Variants in KANK4 observed in about 807,000 individuals in gnomAD.
KANK4 encodes the protein KN motif and ankyrin repeat domains 4, also known as KN motif and ankyrin repeat domain-containing protein 4.
In KANK4, 50 loss-of-function variants were observed where a neutral mutation model predicts 80.8. The ratio of observed to expected loss-of-function variants is 0.62; its 90% CI spans 0.49 to 0.78. The LOEUF is 0.78. Ranked by LOEUF, KANK4 falls within the 30% of genes least tolerant of loss-of-function variation. The pLI is 0.00. For missense variants in KANK4, 1,196 were observed against 1,240.1 expected (o/e 0.96, Z 0.53); for synonymous variants, 465 against 506.9 (o/e 0.92, Z 1.11).
chr1:62,254,599 G>A (rs1411187979), intron 7 of KANK4, among the ~76,000 whole-genome samples: 2 of 151,624 alleles, frequency 1.3e-5, no homozygotes, highest in Admixed American at 6.6e-5. Flanking sequence ...TGTCGCCCAG[G>A]CTGGAGTACA....
chr1:62,253,713 G>T (rs1216827439), intron 7 of KANK4, among the ~76,000 whole-genome samples: 1 of 152,120 alleles, frequency 6.6e-6, no homozygotes, highest in African/African-American at 2.4e-5. Context: ...CGCCCAGCCA[G>T]CTGGTTACTT....
intron 7 of KANK4, among the ~76,000 whole-genome samples, chr1:62,259,979 T>A (rs935820232): frequency 3.9e-5 from 6 of 152,246 alleles, no homozygotes; most frequent in African/African-American, 1.4e-4. Flanking sequence ...AGCCTCATCA[T>A]GCACCTGTCT....
At chr1:62,254,843 T>C (rs1671712558) in intron 7 of KANK4, among the ~76,000 whole-genome samples, 1 of 150,890 alleles carries the variant, frequency 6.6e-6, no homozygotes, top group African/African-American at 2.4e-5. Flanking sequence ...GTTGGGATTA[T>C]TACAGGCATG....
chr1:62,272,368 G>A (rs1672184020), intron 3 of KANK4: 1 of 152,238 alleles, frequency 6.6e-6, no homozygotes, highest in Non-Finnish European at 1.5e-5. Context: ...AATATTCAGT[G>A]AACTATACCA....
At position 62,236,335 on chromosome 1, in the gene KANK4, T is replaced by A. The variant is rs958403995; in HGVS notation, c.*1942A>T. 4.6e-5 allele frequency among the ~76,000 whole-genome samples: 7 copies of A among 152,228 alleles called. No homozygotes were observed. The highest frequency in any genetic ancestry group is 1.7e-4 in the African/African-American group (7 of 41,454). ...TTCTAACAAGATCCCAGGTGATTTG[T>A]ATGCACATAAATGTTCGCGAAGCAC... On this transcript the variant is annotated 3_prime_UTR_variant, in exon 10 of 10. Coordinates refer to ENST00000371153, the MANE Select transcript of KANK4 (RefSeq NM_181712.5).
At chr1:62,281,406 A>G in intron 2 of KANK4, 143 bp downstream of exon 2, 1 of 986,468 alleles carries the variant, frequency 1.0e-6, no homozygotes, top group Non-Finnish European at 1.6e-6. Context: ...AATCTGAAAT[A>G]CATGCTTGAG....
chr1:62,249,364 GTA>G (rs34305773), intron 8 of KANK4, among the ~76,000 whole-genome samples: 89,925 of 148,494 alleles, frequency 0.61, 27,359 homozygotes, highest in East Asian at 0.83. Context: ...GTGCGTGTGT[GTA>G]TATATATATA....
chr1:62,260,009 C>T (rs1671841708), intron 7 of KANK4, among the ~76,000 whole-genome samples: 1 of 152,074 alleles, frequency 6.6e-6, no homozygotes, highest in East Asian at 1.9e-4. Context: ...TGTTAACTAC[C>T]CCTTTCCAGT....
chr1:62,246,082 G>A (rs1050712525), intron 9 of KANK4, among the ~76,000 whole-genome samples: 4 of 152,058 alleles, frequency 2.6e-5, no homozygotes, highest in Non-Finnish European at 5.9e-5. Flanking sequence ...GCAGGAAGAC[G>A]GTCAATCTCA....
intron 1 of KANK4, among the ~76,000 whole-genome samples, chr1:62,289,725 A>T (rs1672642218): frequency 1.3e-5 from 2 of 152,226 alleles, no homozygotes; most frequent in African/African-American, 4.8e-5. Flanking sequence ...GGAAAATAAA[A>T]AATAAATTAT....
intron 1 of KANK4, among the ~76,000 whole-genome samples, chr1:62,292,511 C>T (rs4915811): frequency 0.3 from 45,530 of 152,034 alleles, 7,423 homozygotes; most frequent in East Asian, 0.64. Context: ...CCCAGGAAGC[C>T]ATCTGGAGAG....
chr1:62,312,975 C>T (rs1571057920), intron 1 of KANK4, among the ~76,000 whole-genome samples: 1 of 64,900 alleles, frequency 1.5e-5, no homozygotes, highest in Non-Finnish European at 4.7e-5. Context: ...TACAGTGGTT[C>T]CCCCCCAAAC....
At chr1:62,264,307 C>A (rs1671966490) in intron 6 of KANK4, among the ~76,000 whole-genome samples, 1 of 152,136 alleles carries the variant, frequency 6.6e-6, no homozygotes, top group Non-Finnish European at 1.5e-5. Context: ...ATCCCAGCTA[C>A]TCAGGAGGCT....
intron 1 of KANK4, among the ~76,000 whole-genome samples, chr1:62,296,396 C>CTCCATTTG (rs1644363876): frequency 6.6e-6 from 1 of 152,178 alleles, no homozygotes; most frequent in Admixed American, 6.5e-5. Flanking sequence ...CCAATATTGG[C>CTCCATTTG]TCCATTTGTC....
chr1:62,302,587 T>C (rs1255208503), intron 1 of KANK4, among the ~76,000 whole-genome samples: 1 of 152,006 alleles, frequency 6.6e-6, no homozygotes, highest in Non-Finnish European at 1.5e-5. Context: ...AGCAGATGAA[T>C]GGGGTTAATG....
intron 8 of KANK4, among the ~76,000 whole-genome samples, chr1:62,251,431 A>G (rs552308927): frequency 1.3e-5 from 2 of 152,050 alleles, no homozygotes; most frequent in East Asian, 3.9e-4. Context: ...ATCTATGATC[A>G]CTCCAGGGGA....
At chr1:62,308,022 ACCCCGT>A in intron 1 of KANK4, among the ~76,000 whole-genome samples, 1 of 151,604 alleles carries the variant, frequency 6.6e-6, no homozygotes, top group Non-Finnish European at 1.5e-5. Context: ...GCCTTTGCTC[ACCCCGT>A]ATCCACCCTG....
Position 62,307,479 on chromosome 1 carries a change from CA to C in KANK4, c.-71+11626del, listed in dbSNP as rs3039730. Among the ~76,000 whole-genome samples the C allele has an allele frequency of 4.3e-3, 484 of 113,182 alleles. 1 individual carries two copies. The highest frequency in any genetic ancestry group is 6.6e-3 in the Non-Finnish European group (379 of 57,536). The allele number at this position is 113,182 out of a possible 152,430, so 74.3% of individuals were successfully genotyped here. ...CCTGGGTGACAGAAAGAGACTCTGC[CA>C]AAAAAAAAAAAAAAAAAATTCCTGA... is the stretch of plus-strand genomic sequence containing the variant. On this transcript the variant is annotated intron_variant, in intron 1 of 9. Transcript: ENST00000371153.
chr1:62,312,456 T>C (rs188600143), intron 1 of KANK4, among the ~76,000 whole-genome samples: 2 of 152,356 alleles, frequency 1.3e-5, no homozygotes, highest in African/African-American at 4.8e-5. Flanking sequence ...CTTGGGGCTC[T>C]TGACCCTAAG....
Sources: allele counts gnomAD v4.1 joint callset (sites outside exome capture counted in the v4.1 genomes callset), GRCh38; gene constraint gnomAD v4.1.1; transcripts MANE v1.5; gene names NCBI Gene and HGNC (gene_info 2026-07-23, HGNC 2026-07-21).